Variants in INPP5F observed in about 807,000 individuals in gnomAD.
INPP5F encodes phosphatidylinositide 4-phosphatase SAC2.
INPP5F carries 97 observed loss-of-function variants against 137.2 expected under a neutral mutation model. The ratio of observed to expected loss-of-function variants is 0.71; its 90% CI spans 0.60 to 0.84. The LOEUF (loss-of-function observed/expected upper bound fraction) is 0.84. INPP5F is among the 40% of genes least tolerant of loss of function. The pLI is 0.00. For synonymous variants in INPP5F, 504 were observed against 476.9 expected, an observed-to-expected ratio of 1.06 and a Z score of -0.74; for missense variants, 1,271 against 1,371.9, an observed-to-expected ratio of 0.93 and a Z score of 1.16.
chr10:119,821,299 T>C (rs909005267), intron 16 of INPP5F, among the ~76,000 whole-genome samples: 1 of 152,138 alleles, frequency 6.6e-6, no homozygotes, highest in African/African-American at 2.4e-5. Context: ...TTACAATTTT[T>C]TGTTACTACC....
chr10:119,822,395 T>A (rs1851602882), intron 16 of INPP5F, 36 bp from the exon 17 acceptor site: 1 of 1,185,160 alleles, frequency 8.4e-7, no homozygotes, highest in African/African-American at 1.5e-5. Context: ...TGCTTTTGAT[T>A]TAAATCCTCT....
intron 9 of INPP5F, among the ~76,000 whole-genome samples, chr10:119,800,084 A>G: frequency 6.6e-6 from 1 of 151,700 alleles, no homozygotes; most frequent in East Asian, 1.9e-4. Flanking sequence ...TTTTATTAAA[A>G]TTATATAGGA....
chr10:119,808,185 T>C lies in INPP5F; in HGVS notation c.1569+125T>C, dbSNP rs1363333776. The C allele has an allele frequency of 3.3e-6, 4 of 1,207,500 alleles. No homozygotes were observed. The Admixed American group carries it at 1.1e-4, about 32-fold the overall frequency. 74.8% of individuals were successfully genotyped at this position (1,207,500 alleles called of 1,614,324 possible). ...GTGTGTAGTTGACTCTTTTCTGAAA[T>C]GGTTGGCTAAGGCAGGGCCAGGTAA... On this transcript the variant is annotated intron_variant, in intron 13 of 19. Transcript: ENST00000650623.
intron 9 of INPP5F, among the ~76,000 whole-genome samples, chr10:119,800,644 A>G (rs1438830252): frequency 6.6e-6 from 1 of 152,104 alleles, no homozygotes; most frequent in Non-Finnish European, 1.5e-5. Flanking sequence ...GAGGATATCC[A>G]GAAAGTCAGT....
At chr10:119,761,041 T>G (rs959083226) in intron 2 of INPP5F, among the ~76,000 whole-genome samples, 3 of 152,260 alleles carry the variant, frequency 2.0e-5, no homozygotes, top group Admixed American at 6.5e-5. Flanking sequence ...TTTCTAGTTT[T>G]CTAAGTCTTT....
chr10:119,798,288 T>C (rs1195847283), intron 8 of INPP5F, among the ~76,000 whole-genome samples: 2 of 152,306 alleles, frequency 1.3e-5, no homozygotes, highest in Middle Eastern at 3.4e-3. Flanking sequence ...TGAAAACTTT[T>C]CTGAGAAGTA....
At chr10:119,754,229 C>G (rs2134129658) in intron 2 of INPP5F, among the ~76,000 whole-genome samples, 1 of 152,346 alleles carries the variant, frequency 6.6e-6, no homozygotes, top group East Asian at 1.9e-4. Context: ...TCCCAGTCCC[C>G]TAGGTGGGAG....
intron 15 of INPP5F, chr10:119,819,490 C>T: frequency 6.2e-7 from 1 of 1,602,960 alleles, no homozygotes; most frequent in South Asian, 1.1e-5. Context: ...TAAAATGTGT[C>T]ATGACGTAAT....
chr10:119,813,456 T>G (rs974919936), intron 15 of INPP5F, among the ~76,000 whole-genome samples: 4 of 151,958 alleles, frequency 2.6e-5, no homozygotes, highest in Non-Finnish European at 1.5e-5. Flanking sequence ...AGACCTCATC[T>G]CTACAAAAAA....
At chr10:119,756,363 T>C (rs982585634) in intron 2 of INPP5F, among the ~76,000 whole-genome samples, 3 of 152,066 alleles carry the variant, frequency 2.0e-5, no homozygotes. Context: ...AGGCCCGACA[T>C]GGTGACTCAC....
intron 14 of INPP5F, among the ~76,000 whole-genome samples, chr10:119,810,782 C>G (rs745597353): frequency 6.6e-6 from 1 of 152,166 alleles, no homozygotes; most frequent in Non-Finnish European, 1.5e-5. Flanking sequence ...ATTTAATACT[C>G]ATGAAGATGT....
At chr10:119,790,105 A>G (rs961388890) in intron 3 of INPP5F, among the ~76,000 whole-genome samples, 8 of 151,898 alleles carry the variant, frequency 5.3e-5, no homozygotes, top group Non-Finnish European at 1.2e-4. Flanking sequence ...AGCTGGAGGT[A>G]CTGAGGAGTG....
At chr10:119,794,503 T>G in intron 6 of INPP5F, among the ~76,000 whole-genome samples, 1 of 152,026 alleles carries the variant, frequency 6.6e-6, no homozygotes, top group Non-Finnish European at 1.5e-5. Flanking sequence ...ACCGCCATTG[T>G]CATCATGGCC....
intron 2 of INPP5F, 31 bp from the exon 3 acceptor site, chr10:119,781,604 G>A (rs760082613): frequency 2.5e-6 from 4 of 1,572,144 alleles, no homozygotes; most frequent in Admixed American, 3.5e-5. Flanking sequence ...CTCTAAAAAC[G>A]CCAGACTTTA....
chr10:119,770,278 A>AT (rs890863083), intron 2 of INPP5F, among the ~76,000 whole-genome samples: 9 of 151,890 alleles, frequency 5.9e-5, no homozygotes, highest in African/African-American at 1.5e-4. Flanking sequence ...GCTAGATTCT[A>AT]TTTTTTTTAT....
chr10:119,806,370 G>A lies in INPP5F; in HGVS notation c.1330G>A (p.Ala444Thr). Residue 444 changes from alanine (A) to threonine (T), a missense_variant, in exon 12 of 20, where the codon GCT becomes ACT. By Grantham distance (58) the Ala-to-Thr change is moderately conservative. Around this residue, in one of 6 missense-constraint regions of INPP5F, gnomAD observed 593 missense variants for 712.4 expected, o/e 0.83. Transcript: ENST00000650623. ...LDMKWCWVDEAGVICKQEGIF... is the reference protein window; with the variant it reads ...LDMKWCWVDETGVICKQEGIF... ...ATTATTTTTAAAAAGGGTTGATGAAGCTGGGGTAATATGTAAGCAGGAAGG... is the reference window on the plus strand; with the variant it reads ...ATTATTTTTAAAAAGGGTTGATGAAACTGGGGTAATATGTAAGCAGGAAGG... 1 of 1,565,390 alleles carries A rather than the reference G, an allele frequency of 6.4e-7. No homozygotes were observed.
intron 2 of INPP5F, among the ~76,000 whole-genome samples, chr10:119,772,060 G>C (rs1297848690): frequency 6.6e-6 from 1 of 150,718 alleles, no homozygotes; most frequent in African/African-American, 2.4e-5. Flanking sequence ...ACCACGCCGG[G>C]CTAATTTTTT....
At position 119,826,652 on chromosome 10, in the gene INPP5F, A is replaced by G. The variant is rs560470648; in HGVS notation, c.2271A>G (p.Glu757=). The change falls in exon 20 of 20, where the codon GAA becomes GAG. Residue 757 remains glutamate, a synonymous_variant. Coordinates refer to ENST00000650623, the MANE Select transcript of INPP5F (RefSeq NM_014937.4). The part of the protein sequence containing the change: ...KLERKSSKPH[E]DIIGIRSQNQ... Reference sequence around the variant, plus strand: ...GTAGGAAGAGCAGTAAACCTCACGAAGACATCATTGGTATCAGGTCTCAAA... The same window carrying G: ...GTAGGAAGAGCAGTAAACCTCACGAGGACATCATTGGTATCAGGTCTCAAA... 4 of 1,588,112 alleles carry G rather than the reference A, an allele frequency of 2.5e-6. No homozygotes were observed. The highest frequency in any genetic ancestry group is 3.4e-6 in the Non-Finnish European group (4 of 1,171,880).
intron 2 of INPP5F, among the ~76,000 whole-genome samples, chr10:119,757,823 C>G (rs1848895614): frequency 6.6e-6 from 1 of 152,104 alleles, no homozygotes; most frequent in South Asian, 2.1e-4. Context: ...TTTCATATCA[C>G]AATTGTAATT....
Sources: gnomAD v4.1 joint callset for allele counts (sites outside exome capture counted in the v4.1 genomes callset) on GRCh38, gnomAD v4.1.1 for gene constraint, gnomAD v4.1.1 regional missense constraint, MANE v1.5 for transcripts, NCBI Gene and HGNC (gene_info 2026-07-23, HGNC 2026-07-21) for gene names.